COX7B2: variants seen among roughly 807,000 people sequenced by gnomAD.
COX7B2 encodes the protein cytochrome c oxidase subunit 7B2, mitochondrial.
For synonymous variants in COX7B2, 37 were observed against 32.1 expected (o/e 1.15, Z -0.51); for missense variants, 109 against 95.9 (o/e 1.14, Z -0.57).
intron 1 of COX7B2, among the ~76,000 whole-genome samples, chr4:46,894,181 A>C (rs1440051681): frequency 6.6e-6 from 1 of 152,202 alleles, no homozygotes; most frequent in Non-Finnish European, 1.5e-5. Flanking sequence ...TTTATATGGA[A>C]CCAAAAGACG....
At chr4:46,852,002 C>T (rs1716722095) in intron 1 of COX7B2, among the ~76,000 whole-genome samples, 1 of 151,960 alleles carries the variant, frequency 6.6e-6, no homozygotes, top group South Asian at 2.1e-4. Flanking sequence ...TATGCAAAAT[C>T]CTGTTTCTCC....
intron 2 of COX7B2, among the ~76,000 whole-genome samples, chr4:46,770,582 G>T (rs1027746225): frequency 1.3e-5 from 2 of 151,700 alleles, no homozygotes; most frequent in Non-Finnish European, 2.9e-5. Flanking sequence ...ATACCATAAA[G>T]GTCTACTAAT....
chr4:46,790,673 C>A (rs1414947897), intron 2 of COX7B2, among the ~76,000 whole-genome samples: 2 of 152,074 alleles, frequency 1.3e-5, no homozygotes, highest in Admixed American at 6.6e-5. Context: ...CCATATCCAC[C>A]TGGACTTTAG....
intron 2 of COX7B2, among the ~76,000 whole-genome samples, chr4:46,744,683 A>C (rs563118890): frequency 6.6e-6 from 1 of 152,148 alleles, no homozygotes; most frequent in South Asian, 2.1e-4. Context: ...ATATTTAGGT[A>C]AAAGTATACA....
At chr4:46,845,067 G>T (rs1449119292) in intron 1 of COX7B2, 53 bp from the exon 2 acceptor site, 1 of 151,962 alleles carries the variant, frequency 6.6e-6, no homozygotes, top group Admixed American at 6.6e-5. Flanking sequence ...CAATGAAAAA[G>T]CCAGAGGTAA....
chr4:46,736,204 G>C (rs1207638222), intron 2 of COX7B2, among the ~76,000 whole-genome samples: 1 of 152,162 alleles, frequency 6.6e-6, no homozygotes, highest in East Asian at 1.9e-4. Context: ...TTTGGTCTCT[G>C]TCCTGCTGCT....
chr4:46,833,398 G>T (rs796988691), intron 2 of COX7B2, among the ~76,000 whole-genome samples: 3 of 152,328 alleles, frequency 2.0e-5, no homozygotes, highest in African/African-American at 7.2e-5. Flanking sequence ...GTTAGAAATA[G>T]AGATATAAAT....
At chr4:46,773,737 A>C (rs1206636992) in intron 2 of COX7B2, among the ~76,000 whole-genome samples, 3 of 152,180 alleles carry the variant, frequency 2.0e-5, no homozygotes, top group African/African-American at 7.2e-5. Context: ...CTGAGCATCT[A>C]GATTTCTAAT....
chr4:46,858,267 T>A (rs944355043), intron 1 of COX7B2, among the ~76,000 whole-genome samples: 1 of 152,092 alleles, frequency 6.6e-6, no homozygotes, highest in African/African-American at 2.4e-5. Context: ...CTAATTTTTA[T>A]ATTTTTAGTA....
chr4:46,776,503 A>G (rs952173405), intron 2 of COX7B2, among the ~76,000 whole-genome samples: 1 of 151,938 alleles, frequency 6.6e-6, no homozygotes, highest in African/African-American at 2.4e-5. Context: ...GGGAAGCAAG[A>G]TACGCACTGT....
intron 2 of COX7B2, among the ~76,000 whole-genome samples, chr4:46,800,449 C>G (rs1217561869): frequency 6.6e-6 from 1 of 151,712 alleles, no homozygotes; most frequent in South Asian, 2.1e-4. Context: ...GACGACCACA[C>G]AAAAAGAACA....
intron 2 of COX7B2, among the ~76,000 whole-genome samples, chr4:46,804,096 C>T (rs1718830174): frequency 6.6e-6 from 1 of 152,006 alleles, no homozygotes; most frequent in South Asian, 2.1e-4. Context: ...AGTGAAGCTG[C>T]AGACCTTCAC....
intron 1 of COX7B2, among the ~76,000 whole-genome samples, chr4:46,903,378 C>T (rs1479110933): frequency 3.3e-5 from 5 of 152,012 alleles, no homozygotes; most frequent in Admixed American, 3.3e-4. Context: ...ATGGACTGTC[C>T]TATAATATTA....
chr4:46,881,965 C>A (rs181083743), intron 1 of COX7B2, among the ~76,000 whole-genome samples: 1 of 152,252 alleles, frequency 6.6e-6, no homozygotes, highest in African/African-American at 2.4e-5. Flanking sequence ...ACACTGACTT[C>A]TGTGTCCCAG....
chr4:46,815,594 A>G (rs1719508522), intron 2 of COX7B2, among the ~76,000 whole-genome samples: 1 of 152,188 alleles, frequency 6.6e-6, no homozygotes, highest in Admixed American at 6.5e-5. Context: ...AATAATCTGT[A>G]TTCTCCTACA....
chr4:46,771,581 GT>G (rs1716882272), intron 2 of COX7B2, among the ~76,000 whole-genome samples: 1 of 151,650 alleles, frequency 6.6e-6, no homozygotes, highest in Non-Finnish European at 1.5e-5. Context: ...TTGCTTTACA[GT>G]TTTGAGTATC....
At chr4:46,832,228 G>A (rs1013503708) in intron 2 of COX7B2, among the ~76,000 whole-genome samples, 17 of 152,082 alleles carry the variant, frequency 1.1e-4, no homozygotes, top group African/African-American at 3.6e-4. Context: ...CACTCACTGC[G>A]AAGGTCTGCA....
At chr4:46,776,905 C>T (rs1459958566) in intron 2 of COX7B2, among the ~76,000 whole-genome samples, 1 of 152,146 alleles carries the variant, frequency 6.6e-6, no homozygotes, top group Non-Finnish European at 1.5e-5. Flanking sequence ...TACAGGCTGT[C>T]CTCCTCCTTT....
At chr4:46,780,324 T>A (rs531896161) in intron 2 of COX7B2, among the ~76,000 whole-genome samples, 2 of 152,140 alleles carry the variant, frequency 1.3e-5, no homozygotes, top group African/African-American at 4.8e-5. Flanking sequence ...GAGACCATCC[T>A]GGCTAACATG....
Sources: allele counts gnomAD v4.1 joint callset (sites outside exome capture counted in the v4.1 genomes callset), GRCh38; gene constraint gnomAD v4.1.1; transcripts MANE v1.5; gene names NCBI Gene and HGNC (gene_info 2026-07-23, HGNC 2026-07-21).